The following USP34 variants were observed in gnomAD, a reference collection of about 807,000 sequenced individuals.
USP34 encodes ubiquitin specific peptidase 34.
USP34 carries 70 observed loss-of-function variants against 460.3 expected under a neutral mutation model. The ratio of observed to expected loss-of-function variants is 0.15; its 90% CI spans 0.13 to 0.19. The LOEUF (loss-of-function observed/expected upper bound fraction) is 0.19. Ranked by LOEUF, USP34 falls within the 10% of genes least tolerant of loss-of-function variation. The pLI, the probability that USP34 is intolerant of heterozygous loss-of-function variation, is 1.00. For synonymous variants in USP34, 1,647 were observed against 1,405.3 expected (o/e 1.17, Z -3.85); for missense variants, 3,985 against 4,236.2 (o/e 0.94, Z 1.65).
intron 18 of USP34, among the ~76,000 whole-genome samples, chr2:61,337,285 T>C (rs1042791660): frequency 6.6e-6 from 1 of 152,208 alleles, no homozygotes; most frequent in Non-Finnish European, 1.5e-5. Context: ...GGCTTCTTTC[T>C]TGCAACATTG....
intron 21 of USP34, among the ~76,000 whole-genome samples, chr2:61,320,247 T>A (rs1406606716): frequency 6.6e-6 from 1 of 152,322 alleles, no homozygotes; most frequent in South Asian, 2.1e-4. Context: ...CCAAATCGTA[T>A]CCCAGCATCT....
At chr2:61,244,569 C>A (rs1389609686) in intron 51 of USP34, among the ~76,000 whole-genome samples, 2 of 150,554 alleles carry the variant, frequency 1.3e-5, no homozygotes, top group African/African-American at 2.5e-5. Context: ...GAGCCGAGAT[C>A]GCGCCACTGA....
At chr2:61,240,245 G>GAAGA (rs70963404) in intron 53 of USP34, among the ~76,000 whole-genome samples, 84,643 of 151,432 alleles carry the variant, frequency 0.56, 24,378 homozygotes, top group African/African-American at 0.71. Context: ...ATTCTGAAAT[G>GAAGA]AAGCCTCATA....
intron 53 of USP34, among the ~76,000 whole-genome samples, chr2:61,240,186 A>C (rs1270649846): frequency 6.6e-6 from 1 of 152,202 alleles, no homozygotes; most frequent in South Asian, 2.1e-4. Context: ...ACACCAAACC[A>C]AAACACATTC....
chr2:61,235,795 A>C, intron 57 of USP34, 50 bp downstream of exon 57: 1 of 1,561,214 alleles, frequency 6.4e-7, no homozygotes, highest in Non-Finnish European at 8.7e-7. Flanking sequence ...GAGGGGGGGA[A>C]AAAAAAAAGA....
intron 10 of USP34, 48 bp from the exon 11 acceptor site, chr2:61,350,741 A>T (rs1256062027): frequency 1.3e-6 from 2 of 1,576,514 alleles, no homozygotes; most frequent in South Asian, 2.4e-5. Flanking sequence ...TGCCCAATAC[A>T]TGTAGATTAC....
At chr2:61,311,185 G>C (rs527431712) in intron 27 of USP34, among the ~76,000 whole-genome samples, 7 of 152,256 alleles carry the variant, frequency 4.6e-5, no homozygotes, top group Middle Eastern at 3.4e-3. Context: ...TCTTTGGAGA[G>C]GCCATGAATG....
chr2:61,396,238 T>A (rs1001131381), intron 3 of USP34, among the ~76,000 whole-genome samples: 2 of 152,172 alleles, frequency 1.3e-5, no homozygotes, highest in Admixed American at 1.3e-4. Context: ...AGATTTCAAC[T>A]GCCTAAAAGC....
intron 1 of USP34, among the ~76,000 whole-genome samples, chr2:61,454,355 C>G (rs1695370345): frequency 6.6e-6 from 1 of 152,172 alleles, no homozygotes; most frequent in Non-Finnish European, 1.5e-5. Flanking sequence ...AACTCCTGAC[C>G]TCAAGTGATC....
intron 20 of USP34, among the ~76,000 whole-genome samples, chr2:61,326,205 T>C (rs1431118426): frequency 6.6e-6 from 1 of 151,728 alleles, no homozygotes; most frequent in Non-Finnish European, 1.5e-5. Flanking sequence ...TTTAAAAATT[T>C]GTGTATTTGG....
At chr2:61,455,325 T>C (rs1695405541) in intron 1 of USP34, among the ~76,000 whole-genome samples, 1 of 152,058 alleles carries the variant, frequency 6.6e-6, no homozygotes, top group African/African-American at 2.4e-5. Flanking sequence ...ATTATAGATG[T>C]GTGCCACCAT....
chr2:61,417,083 T>C (rs1694219297), intron 2 of USP34: 1 of 1,423,194 alleles, frequency 7.0e-7, no homozygotes. Flanking sequence ...AGGACCTCAA[T>C]CACATGCGCC....
intron 53 of USP34, among the ~76,000 whole-genome samples, chr2:61,237,556 T>TA (rs1398525190): frequency 2.5e-5 from 2 of 79,674 alleles, no homozygotes; most frequent in Admixed American, 1.5e-4. Context: ...TTCTGTGGAT[T>TA]TTTTTTTTTT....
At chr2:61,412,350 G>A (rs1694066748) in intron 2 of USP34, among the ~76,000 whole-genome samples, 1 of 152,006 alleles carries the variant, frequency 6.6e-6, no homozygotes, top group Admixed American at 6.5e-5. Flanking sequence ...ACTGAAATAA[G>A]AATGAAATGT....
At chr2:61,222,892 T>C in intron 64 of USP34, 168 bp downstream of exon 64, 1 of 698,692 alleles carries the variant, frequency 1.4e-6, no homozygotes, top group Non-Finnish European at 2.4e-6. Flanking sequence ...AGACGGGTTC[T>C]CACTATGTTG....
chr2:61,348,673 T>G, intron 14 of USP34, 83 bp downstream of exon 14: 1 of 1,498,332 alleles, frequency 6.7e-7, no homozygotes, highest in Middle Eastern at 1.8e-4. Context: ...CAAACATGAA[T>G]TATGTATATA....
At chr2:61,241,886 A>C in intron 51 of USP34, 67 bp from the exon 52 acceptor site, 1 of 832,690 alleles carries the variant, frequency 1.2e-6, no homozygotes, top group Non-Finnish European at 1.8e-6. Flanking sequence ...TTTATATATA[A>C]ATTATTTCAT....
chr2:61,444,365 AAAGG>A (rs935295583), intron 1 of USP34, among the ~76,000 whole-genome samples: 3 of 152,202 alleles, frequency 2.0e-5, no homozygotes, highest in Admixed American at 1.3e-4. Flanking sequence ...AGAAATCGAA[AAAGG>A]AAGATGGGTC....
At chr2:61,455,342 C>A (rs1365734628) in intron 1 of USP34, among the ~76,000 whole-genome samples, 1 of 152,040 alleles carries the variant, frequency 6.6e-6, no homozygotes, top group East Asian at 1.9e-4. Context: ...CCATGCCCAA[C>A]TAGTTTTTGT....
Sources: gnomAD v4.1 joint callset for allele counts (sites outside exome capture counted in the v4.1 genomes callset) on GRCh38, gnomAD v4.1.1 for gene constraint, MANE v1.5 for transcripts, NCBI Gene and HGNC (gene_info 2026-07-23, HGNC 2026-07-21) for gene names.